The following ABCA6 variants were observed in gnomAD, a reference collection of about 807,000 sequenced individuals.
ABCA6 encodes ATP-binding cassette sub-family A member 6.
A neutral mutation model predicts 191.2 loss-of-function variants in ABCA6; 164 were observed. That is an observed-to-expected ratio of 0.86 (90% confidence interval 0.76 to 0.98). ABCA6 has a LOEUF of 0.98. Among genes scored for constraint, ABCA6 ranks in the 50% least tolerant of loss-of-function variants. The pLI, the probability that ABCA6 is intolerant of heterozygous loss-of-function variation, is 0.00. For missense variants in ABCA6, 1,958 were observed against 1,894.1 expected, an observed-to-expected ratio of 1.03 and a Z score of -0.63; for synonymous variants, 636 against 647.7, an observed-to-expected ratio of 0.98 and a Z score of 0.27.
intron 14 of ABCA6, 68 bp downstream of exon 14, chr17:69,113,550 G>C: frequency 1.2e-6 from 2 of 1,607,640 alleles, no homozygotes; most frequent in Non-Finnish European, 1.7e-6. Flanking sequence ...ACCACTTTTA[G>C]TGGTAAAAGA....
In ABCA6 at chr17:69,084,483, A is replaced by G. The variant is rs777188865; in HGVS notation, c.4209T>C (p.His1403=). Residue 1403 remains histidine, a synonymous_variant, in exon 33 of 39, where the codon CAT becomes CAC. Coordinates refer to ENST00000284425, the MANE Select transcript of ABCA6 (RefSeq NM_080284.3). ...IARLVSAFKL[H]EQLNVPVQKL... Reference sequence around the variant, plus strand: ...TCTGCACAGGAACATTCAGCTGCTCATGCAGTTTGAAAGCACTCACTAATC... The same window carrying G: ...TCTGCACAGGAACATTCAGCTGCTCGTGCAGTTTGAAAGCACTCACTAATC... The G allele has an allele frequency of 6.2e-7, 1 of 1,614,170 alleles. No individual in the cohort carries two copies. Among genetic ancestry groups the G allele is most frequent in the East Asian group, 2.2e-5 (1 of 44,882 alleles).
At chr17:69,126,380 T>C (rs1255147960) in intron 8 of ABCA6, among the ~76,000 whole-genome samples, 3 of 152,178 alleles carry the variant, frequency 2.0e-5, no homozygotes, top group Non-Finnish European at 4.4e-5. Flanking sequence ...AGTGCATGGA[T>C]CACACCTGTA....
intron 21 of ABCA6, 81 bp from the exon 22 acceptor site, chr17:69,101,015 CA>C (rs1362999498): frequency 7.6e-6 from 9 of 1,191,696 alleles, no homozygotes; most frequent in Non-Finnish European, 9.4e-6. Context: ...AAGATCCTAA[CA>C]GTGCCACATG....
chr17:69,113,779 A>G (rs555491294), intron 13 of ABCA6, 42 bp from the exon 14 acceptor site: 2 of 1,573,214 alleles, frequency 1.3e-6, no homozygotes, highest in African/African-American at 1.4e-5. Context: ...CAAAATGAAG[A>G]AGACATTTAT....
intron 8 of ABCA6, among the ~76,000 whole-genome samples, chr17:69,126,953 CAATT>C (rs1175658567): frequency 2.0e-5 from 3 of 152,066 alleles, no homozygotes; most frequent in Non-Finnish European, 4.4e-5. Context: ...TAAAGCAAAA[CAATT>C]AAGACAATGA....
intron 7 of ABCA6, among the ~76,000 whole-genome samples, 155 bp from the exon 8 acceptor site, chr17:69,128,959 T>C (rs1042302841): frequency 2.0e-5 from 3 of 152,194 alleles, no homozygotes; most frequent in African/African-American, 4.8e-5. Flanking sequence ...GTCTGTTCTT[T>C]CCTCAACTTC....
intron 17 of ABCA6, chr17:69,109,105 A>G (rs904376636): frequency 6.6e-6 from 1 of 152,126 alleles, no homozygotes; most frequent in Admixed American, 6.6e-5. Context: ...GTGAAGCTAA[A>G]ATCTGGGAAT....
rs544374052 is a variant in ABCA6, at chr17:69,105,368, C to G, written c.2740+94G>C. On this transcript the variant is annotated intron_variant, in intron 20 of 38. Transcript: ENST00000284425. ...TAAATGAAGTTTAAATACCCATTTT[C>G]TTCTCTTATGATTCACTTCCCCCCC... 73 of 1,235,054 alleles carry G rather than the reference C, an allele frequency of 5.9e-5. No individual in the cohort carries two copies. The South Asian group carries it at 1.0e-3, about 17-fold the overall frequency. The allele number at this position is 1,235,054 out of a possible 1,614,324, so 76.5% of individuals were successfully genotyped here. A position where few individuals can be genotyped will look rare whatever the true frequency, so the allele number is the denominator to read the frequency against.
Position 69,088,246 on chromosome 17 carries a change from T to A in ABCA6, c.3619A>T (p.Thr1207Ser). Residue 1207 changes from threonine (T) to serine (S), a missense_variant, in exon 28 of 39, where the codon ACT (threonine) becomes TCT (serine). Physicochemically the swap from Thr to Ser is moderately conservative, Grantham distance 58 (BLOSUM62 1). Transcript: ENST00000284425. ...CTTAGAACAAAAACGAATAGCAAAG[T>A]CTGAAAGTAGGGCTATGAGCAAAGA... ...FLVCFIPYFQ[T>S]LLFVFVLRCM... The A allele has an allele frequency of 5.0e-6, 8 of 1,610,146 alleles. No individual in the cohort carries two copies.
At chr17:69,115,044 A>T in intron 12 of ABCA6, 107 bp from the exon 13 acceptor site, 1 of 856,530 alleles carries the variant, frequency 1.2e-6, no homozygotes, top group Non-Finnish European at 1.7e-6. Context: ...GTCTAAAATG[A>T]TTTGTGAACT....
intron 10 of ABCA6, among the ~76,000 whole-genome samples, chr17:69,118,762 C>T (rs2073583951): frequency 6.6e-6 from 1 of 152,026 alleles, no homozygotes; most frequent in African/African-American, 2.4e-5. Context: ...TGATATTCCA[C>T]AGGGTTCTCC....
chr17:69,118,450 A>C (rs1430948419), intron 10 of ABCA6, among the ~76,000 whole-genome samples: 1 of 152,052 alleles, frequency 6.6e-6, no homozygotes, highest in Non-Finnish European at 1.5e-5. Flanking sequence ...ATTGTACAAA[A>C]TTCTCAAAAT....
chr17:69,136,061 T>A, intron 4 of ABCA6, 31 bp downstream of exon 4: 1 of 1,595,848 alleles, frequency 6.3e-7, no homozygotes, highest in South Asian at 1.1e-5. Flanking sequence ...ACATGAAAAA[T>A]TCCATAATGA....
Position 69,105,576 on chromosome 17 carries a change from A to G in ABCA6, c.2626T>C (p.Tyr876His), listed in dbSNP as rs773590801. 6.4e-7 allele frequency: 1 copy of G among 1,570,114 alleles called. No individual in the cohort carries two copies. The highest frequency in any genetic ancestry group is 8.7e-7 in the Non-Finnish European group (1 of 1,143,910). The change falls in exon 20 of 39, where the codon TAT (tyrosine) becomes CAT (histidine). Residue 876 changes from tyrosine to histidine, a missense_variant. By Grantham distance (83) the Tyr-to-His change is moderately conservative. Coordinates refer to ENST00000284425, the MANE Select transcript of ABCA6 (RefSeq NM_080284.3). ...IFPLIVENIM[Y>H]AMLNEKIDWE... is the part of the protein sequence containing the mutation. ...TCGATCTTTTCATTTAACATAGCAT[A>G]CATTATATTTTCAACAATCAAAGGG...
At position 69,133,641 on chromosome 17, in the gene ABCA6, C is replaced by A; in HGVS notation, c.791G>T (p.Trp264Leu). ...KMMGLQDSAFWLSWGLIYAGF... is the reference protein window; with the variant it reads ...KMMGLQDSAFLLSWGLIYAGF... ...TGCACTACTTGAATTAGTCACTCAC[C>A]AGAATGCTGAATCTTGGAGACCCAT... The change falls in exon 6 of 39, where the codon TGG becomes TTG. Residue 264 changes from tryptophan (W) to leucine (L), a missense_variant and splice_region_variant. Transcript: ENST00000284425. 6.4e-7 allele frequency: 1 copy of A among 1,569,734 alleles called. No individual in the cohort carries two copies. The highest frequency in any genetic ancestry group is 8.7e-7 in the Non-Finnish European group (1 of 1,151,496).
At chr17:69,130,480 T>A (rs1479556839) in intron 6 of ABCA6, among the ~76,000 whole-genome samples, 2 of 152,224 alleles carry the variant, frequency 1.3e-5, no homozygotes, top group Admixed American at 1.3e-4. Flanking sequence ...TATGTATGTA[T>A]TATTCTGCAA....
intron 2 of ABCA6, among the ~76,000 whole-genome samples, chr17:69,138,709 C>A (rs1388337506): frequency 6.6e-6 from 1 of 151,212 alleles, no homozygotes; most frequent in Admixed American, 6.6e-5. Context: ...TACAAGGCCA[C>A]AGTAACCAAA....
intron 3 of ABCA6, among the ~76,000 whole-genome samples, 168 bp downstream of exon 3, chr17:69,137,128 G>C (rs1411907590): frequency 6.6e-6 from 1 of 152,138 alleles, no homozygotes; most frequent in Admixed American, 6.6e-5. Context: ...TATTTCAAAG[G>C]CTAGTTGTTG....
intron 28 of ABCA6, 28 bp downstream of exon 28, chr17:69,088,139 T>G: frequency 6.4e-7 from 1 of 1,553,078 alleles, no homozygotes; most frequent in Non-Finnish European, 8.8e-7. Flanking sequence ...AATATGATAT[T>G]AAGTATAAAG....
Sources: allele counts gnomAD v4.1 joint callset (sites outside exome capture counted in the v4.1 genomes callset), GRCh38; gene constraint gnomAD v4.1.1; transcripts MANE v1.5; gene names NCBI Gene and HGNC (gene_info 2026-07-23, HGNC 2026-07-21).